The following CPQ variants were observed in gnomAD, a reference collection of about 807,000 sequenced individuals.
CPQ encodes carboxypeptidase Q.
CPQ carries 37 observed loss-of-function variants against 45.7 expected under a neutral mutation model. The observed-to-expected ratio is 0.81, with a 90% CI of 0.62 to 1.07. The LOEUF is 1.07. Ranked by LOEUF, CPQ falls within the 50% of genes least tolerant of loss-of-function variation. The pLI is 0.00. For missense variants in CPQ, 537 were observed against 572.9 expected (o/e 0.94, Z 0.64); for synonymous variants, 186 against 205.8 (o/e 0.90, Z 0.82).
At chr8:96,934,958 T>A (rs11997887) in intron 4 of CPQ, among the ~76,000 whole-genome samples, 11,712 of 152,244 alleles carry the variant, frequency 0.077, 860 homozygotes, top group African/African-American at 0.19. Context: ...ACATTTTGAT[T>A]ACTTAACCTA....
At chr8:96,853,562 GA>G (rs891546642) in intron 3 of CPQ, among the ~76,000 whole-genome samples, 5 of 126,294 alleles carry the variant, frequency 4.0e-5, no homozygotes, top group African/African-American at 1.3e-4. Flanking sequence ...TACTGGGCAT[GA>G]TTTTTTTTTT....
intron 4 of CPQ, 64 bp from the exon 5 acceptor site, chr8:96,965,871 A>G (rs145987736): frequency 2.0e-6 from 2 of 985,724 alleles, no homozygotes; most frequent in Admixed American, 2.8e-5. Flanking sequence ...ATACCTATAA[A>G]TGTTTACTCT....
chr8:96,789,027 G>A (rs1810812566), intron 2 of CPQ, among the ~76,000 whole-genome samples: 1 of 151,916 alleles, frequency 6.6e-6, no homozygotes. Context: ...TTTATTTGAT[G>A]AGATGTTGTC....
chr8:97,041,438 A>T (rs1436610390), intron 6 of CPQ, among the ~76,000 whole-genome samples: 1 of 152,192 alleles, frequency 6.6e-6, no homozygotes, highest in Non-Finnish European at 1.5e-5. Flanking sequence ...AAACAGGGAC[A>T]ATTTGACTTC....
chr8:96,942,448 G>A (rs996622541), intron 4 of CPQ, among the ~76,000 whole-genome samples: 3 of 152,062 alleles, frequency 2.0e-5, no homozygotes, highest in African/African-American at 7.2e-5. Flanking sequence ...TTGTAGTTTT[G>A]GTTTCTCTGT....
At chr8:96,932,548 C>G (rs1370949897) in intron 4 of CPQ, among the ~76,000 whole-genome samples, 3 of 152,186 alleles carry the variant, frequency 2.0e-5, no homozygotes, top group Non-Finnish European at 4.4e-5. Context: ...TGCCACTTTA[C>G]TATACAAAGC....
At chr8:96,914,708 C>G (rs1299343131) in intron 4 of CPQ, among the ~76,000 whole-genome samples, 1 of 152,082 alleles carries the variant, frequency 6.6e-6, no homozygotes, top group Admixed American at 6.6e-5. Flanking sequence ...AGGCTAATTT[C>G]AAACCCAGTT....
rs563895411 is a variant in CPQ at position 97,065,497 on chromosome 8, G to C, written c.1054-512G>C. Reference sequence around the variant, plus strand: ...AACAACAACAAAATCAGAACCCCAAGACAAACCTGTCAGCTTGATGCCTTT... The same window carrying C: ...AACAACAACAAAATCAGAACCCCAACACAAACCTGTCAGCTTGATGCCTTT... On this transcript the variant is annotated intron_variant, in intron 6 of 7. Transcript: ENST00000220763. Among the ~76,000 whole-genome samples, 12 of 152,228 alleles carry C rather than the reference G, an allele frequency of 7.9e-5. No homozygotes were observed. The Middle Eastern group carries it at 0.01, about 129-fold the overall frequency.
intron 4 of CPQ, among the ~76,000 whole-genome samples, chr8:96,964,173 TACACACACACACACACACACACAC>T (rs71267285): frequency 2.5e-4 from 33 of 133,458 alleles, no homozygotes; most frequent in African/African-American, 9.2e-4. Flanking sequence ...GGTTAAAGTA[TACACACACACACACACACACACAC>T]ACACACACAC....
intron 3 of CPQ, among the ~76,000 whole-genome samples, chr8:96,856,414 G>T (rs564812674): frequency 2.6e-5 from 4 of 152,264 alleles, no homozygotes; most frequent in African/African-American, 9.6e-5. Flanking sequence ...GGACTCAAGA[G>T]TGACTGCTAG....
chr8:96,857,085 G>T (rs1414121431), intron 3 of CPQ, among the ~76,000 whole-genome samples: 1 of 152,154 alleles, frequency 6.6e-6, no homozygotes, highest in African/African-American at 2.4e-5. Context: ...GTCTCTGCCT[G>T]GACAGGCCTG....
intron 5 of CPQ, among the ~76,000 whole-genome samples, chr8:96,971,808 C>T (rs560350070): frequency 3.2e-4 from 48 of 152,184 alleles, no homozygotes; most frequent in Non-Finnish European, 5.6e-4. Context: ...TTGCACTTAT[C>T]GATGAAAGTA....
intron 1 of CPQ, among the ~76,000 whole-genome samples, chr8:96,727,081 A>T (rs970313905): frequency 2.0e-5 from 3 of 152,166 alleles, no homozygotes; most frequent in Non-Finnish European, 2.9e-5. Context: ...ATGGCTATGA[A>T]CATTCTTGTG....
chr8:97,029,904 T>C (rs1046300172), intron 6 of CPQ, among the ~76,000 whole-genome samples: 4 of 152,240 alleles, frequency 2.6e-5, no homozygotes, highest in Non-Finnish European at 4.4e-5. Context: ...TTCCAAGTCA[T>C]TGAGTCTGCC....
At chr8:96,714,817 T>A (rs1053767800) in intron 1 of CPQ, among the ~76,000 whole-genome samples, 1 of 152,290 alleles carries the variant, frequency 6.6e-6, no homozygotes, top group African/African-American at 2.4e-5. Context: ...GTTTTCTTTT[T>A]TTTCCCTCTT....
At chr8:97,109,330 A>T (rs1456104763) in intron 7 of CPQ, among the ~76,000 whole-genome samples, 1 of 152,152 alleles carries the variant, frequency 6.6e-6, no homozygotes, top group African/African-American at 2.4e-5. Context: ...ACCCCCTTTC[A>T]GATTCTCTAT....
At chr8:96,787,780 T>C (rs1000035872) in intron 2 of CPQ, among the ~76,000 whole-genome samples, 1 of 151,686 alleles carries the variant, frequency 6.6e-6, no homozygotes, top group Non-Finnish European at 1.5e-5. Context: ...GAGTCAGTTT[T>C]AGTAGTTTGT....
intron 7 of CPQ, among the ~76,000 whole-genome samples, chr8:97,101,937 T>TCC (rs1468336522): frequency 4.8e-5 from 7 of 144,506 alleles, no homozygotes; most frequent in African/African-American, 1.9e-4. Context: ...TCTCTCTCTC[T>TCC]CTCTCCCTCC....
chr8:97,066,184 AC>A lies in CPQ; in HGVS notation c.1230del (p.Trp412GlyfsTer29), dbSNP rs772456781. The A allele has an allele frequency of 7.5e-6, 12 of 1,610,374 alleles. No individual in the cohort carries two copies. The African/African-American group carries it at 1.3e-4, about 18-fold the overall frequency. On this transcript the variant is annotated frameshift_variant, in exon 7 of 8. Transcript: ENST00000220763. LOFTEE classifies it high-confidence loss of function. The part of the protein sequence containing the change: ...VLSHGEGTDI[N>X]FWIQAGVPGA... ...AGCCATGGAGAAGGGACAGACATCA[AC>A]TTTTGGATCCAAGCTGGAGTGCCTG...
Sources: gnomAD v4.1 joint callset for allele counts (sites outside exome capture counted in the v4.1 genomes callset) on GRCh38, gnomAD v4.1.1 for gene constraint, MANE v1.5 for transcripts, NCBI Gene and HGNC (gene_info 2026-07-23, HGNC 2026-07-21) for gene names.